Variants in USP24 observed in about 807,000 individuals in gnomAD.
The protein encoded by USP24 is ubiquitin carboxyl-terminal hydrolase 24.
In USP24, 97 loss-of-function variants were observed where a neutral mutation model predicts 361.6. The ratio of observed to expected loss-of-function variants is 0.27; its 90% confidence interval spans 0.23 to 0.32. The LOEUF (loss-of-function observed/expected upper bound fraction) is 0.32, where lower values mean the gene tolerates loss of function less well. Among genes scored for constraint, USP24 ranks in the 10% least tolerant of loss-of-function variants. The pLI is 1.00. For missense variants in USP24, 2,353 were observed against 3,165.6 expected (o/e 0.74, Z 6.16); for synonymous variants, 1,098 against 1,124.6 (o/e 0.98, Z 0.47).
intron 62 of USP24, among the ~76,000 whole-genome samples, 167 bp from the exon 63 acceptor site, chr1:55,075,690 G>A (rs1300314572): frequency 2.0e-5 from 3 of 151,780 alleles, no homozygotes; most frequent in Non-Finnish European, 4.4e-5. Context: ...ATACAGGACG[G>A]GCATGGTGGC....
rs1161973896 is a variant in USP24, at chr1:55,143,070, G to A, written c.2489C>T (p.Ala830Val). ...LIGMDFIWKI[A>V]MESPDEEIAN... Reference sequence around the variant, plus strand: ...AATTTCTTCATCAGGTGATTCCATGGCTATTTTCCAAATGAAATCCATTCC... The same window carrying A: ...AATTTCTTCATCAGGTGATTCCATGACTATTTTCCAAATGAAATCCATTCC... The change falls in exon 22 of 68, where the codon GCC (alanine) becomes GTC (valine). Residue 830 changes from alanine (A) to valine (V), a missense_variant. By Grantham distance (64) the Ala-to-Val change is moderately conservative (BLOSUM62 0). Transcript: ENST00000294383. The A allele has an allele frequency of 1.9e-5, 29 of 1,529,766 alleles. No homozygotes were observed. The highest frequency in any genetic ancestry group is 2.1e-5 in the Non-Finnish European group (24 of 1,140,758). The allele number at this position is 1,529,766 out of a possible 1,614,324, so 94.8% of individuals were successfully genotyped here.
Position 55,105,456 on chromosome 1 carries a change from G to A in USP24, c.4880+690C>T, listed in dbSNP as rs1645746161. 3.3e-5 allele frequency among the ~76,000 whole-genome samples: 5 copies of A among 152,202 alleles called. No individual in the cohort carries two copies. In the South Asian group the frequency reaches 8.3e-4, roughly 25 times the overall value. On this transcript the variant is annotated intron_variant, in intron 41 of 67. Coordinates refer to ENST00000294383, the MANE Select transcript of USP24 (RefSeq NM_015306.3). ...TGCCTTGTCCATTTCAATAACCACT[G>A]AAATTGTACAGGAACCCTTTTCACT...
intron 7 of USP24, among the ~76,000 whole-genome samples, chr1:55,163,848 C>T (rs1042414674): frequency 9.9e-5 from 15 of 151,924 alleles, no homozygotes; most frequent in South Asian, 2.1e-4. Context: ...TTTTCATATA[C>T]GTGAGCTCTG....
chr1:55,182,127 C>T (rs1263884038), intron 1 of USP24, among the ~76,000 whole-genome samples: 1 of 152,246 alleles, frequency 6.6e-6, no homozygotes, highest in Non-Finnish European at 1.5e-5. Flanking sequence ...TCTCAGCTCA[C>T]AGCAACTTCC....
chr1:55,142,067 A>T (rs552123527), intron 23 of USP24, among the ~76,000 whole-genome samples: 1 of 152,342 alleles, frequency 6.6e-6, no homozygotes, highest in Non-Finnish European at 1.5e-5. Context: ...GATAGAAGTC[A>T]CAATTAGGGA....
At chr1:55,136,934 G>A (rs536034520) in intron 28 of USP24, among the ~76,000 whole-genome samples, 1 of 152,306 alleles carries the variant, frequency 6.6e-6, no homozygotes, top group East Asian at 1.9e-4. Context: ...GCAGAGACTG[G>A]AGACTGGATG....
At chr1:55,112,805 G>C (rs534547571) in intron 38 of USP24, among the ~76,000 whole-genome samples, 41 of 152,238 alleles carry the variant, frequency 2.7e-4, no homozygotes, top group Middle Eastern at 6.8e-3. Context: ...CTGAGTTCAA[G>C]TCCTGAATAT....
intron 56 of USP24, among the ~76,000 whole-genome samples, chr1:55,085,482 C>T (rs1280553783): frequency 6.6e-6 from 1 of 152,172 alleles, no homozygotes; most frequent in Non-Finnish European, 1.5e-5. Flanking sequence ...AACTGCTGTA[C>T]CTGTAAGGAC....
intron 62 of USP24, 107 bp downstream of exon 62, chr1:55,077,128 A>T: frequency 9.0e-7 from 1 of 1,110,006 alleles, no homozygotes; most frequent in East Asian, 2.8e-5. Flanking sequence ...ATAAATGCAG[A>T]CCAAATGAAT....
chr1:55,166,449 T>G, intron 6 of USP24, 119 bp downstream of exon 6: 1 of 981,122 alleles, frequency 1.0e-6, no homozygotes, highest in Non-Finnish European at 1.5e-6. Context: ...AATCCACTCC[T>G]TAAAGCATTT....
intron 49 of USP24, 29 bp from the exon 50 acceptor site, chr1:55,096,651 T>C (rs1055218499): frequency 1.3e-6 from 2 of 1,592,258 alleles, no homozygotes; most frequent in South Asian, 1.2e-5. Context: ...ACAAACATTA[T>C]AAGGTTAAAA....
chr1:55,107,531 AC>A (rs1017228569), intron 39 of USP24, 101 bp from the exon 40 acceptor site: 3 of 1,319,476 alleles, frequency 2.3e-6, no homozygotes, highest in Non-Finnish European at 3.0e-6. Flanking sequence ...CCAATCTTTC[AC>A]TTTACAGATC....
intron 1 of USP24, 133 bp from the exon 2 acceptor site, chr1:55,178,265 T>C (rs1190131584): frequency 9.7e-6 from 9 of 931,726 alleles, no homozygotes; most frequent in African/African-American, 3.4e-5. Flanking sequence ...TCTACCTTTC[T>C]TTCCTATAAT....
intron 7 of USP24, among the ~76,000 whole-genome samples, chr1:55,163,004 A>T (rs531855250): frequency 3.3e-5 from 5 of 152,112 alleles, no homozygotes; most frequent in Non-Finnish European, 7.4e-5. Flanking sequence ...CGGGCCTTTG[A>T]TATTATTAAG....
chr1:55,148,262 G>T, intron 17 of USP24, among the ~76,000 whole-genome samples: 1 of 139,582 alleles, frequency 7.2e-6, no homozygotes, highest in Admixed American at 6.9e-5. Flanking sequence ...AAGAAAATGA[G>T]TTAAGGAGAT....
At chr1:55,155,578 A>G (rs1369074556) in intron 12 of USP24, among the ~76,000 whole-genome samples, 1 of 152,178 alleles carries the variant, frequency 6.6e-6, no homozygotes, top group Non-Finnish European at 1.5e-5. Context: ...AAGACATGGG[A>G]AGTAATATCT....
intron 1 of USP24, among the ~76,000 whole-genome samples, chr1:55,191,369 T>C (rs1445990994): frequency 2.6e-5 from 4 of 152,196 alleles, no homozygotes; most frequent in Non-Finnish European, 2.9e-5. Context: ...GTAACTGCCA[T>C]AATGCTTTAT....
chr1:55,158,998 C>T lies in USP24; in HGVS notation c.1107G>A (p.Lys369=). 1 of 1,582,444 alleles carries T rather than the reference C, an allele frequency of 6.3e-7. No individual in the cohort carries two copies. Among genetic ancestry groups the T allele is most frequent in the Non-Finnish European group, 8.6e-7 (1 of 1,161,872 alleles). ...VSIPELLSAV[K]LLCMRFQPDL... is the part of the protein sequence containing the mutation. ...CCGGTTGGAAGCGCATGCAAAGTAA[C>T]TTAACGGCAGACAAGAGCTCAGGGA... The change falls in exon 10 of 68, where the codon AAG becomes AAA. Residue 369 remains lysine, a synonymous_variant. Transcript: ENST00000294383.
chr1:55,126,119 T>C (rs1646421564), intron 32 of USP24, among the ~76,000 whole-genome samples: 1 of 152,236 alleles, frequency 6.6e-6, no homozygotes, highest in Admixed American at 6.5e-5. Flanking sequence ...TGTAAGACCC[T>C]TCATAACTTG....
Sources: gnomAD v4.1 joint callset for allele counts (sites outside exome capture counted in the v4.1 genomes callset) on GRCh38, gnomAD v4.1.1 for gene constraint, MANE v1.5 for transcripts, NCBI Gene and HGNC (gene_info 2026-07-23, HGNC 2026-07-21) for gene names.